ZNF385D: variants seen among roughly 807,000 people sequenced by gnomAD.
ZNF385D encodes the protein zinc finger protein 385D, also known as zinc finger protein 659.
Under a neutral mutation model 35.8 loss-of-function variants are expected in ZNF385D, and 15 were observed. The ratio of observed to expected loss-of-function variants is 0.42; its 90% CI spans 0.28 to 0.64. ZNF385D has a LOEUF of 0.64. Ranked by LOEUF, ZNF385D falls within the 30% of genes least tolerant of loss-of-function variation. The pLI, the probability that ZNF385D is intolerant of heterozygous loss-of-function variation, is 0.23. For missense variants in ZNF385D, 474 were observed against 494.6 expected (o/e 0.96, Z 0.39); for synonymous variants, 212 against 186.8 (o/e 1.13, Z -1.10).
chr3:21,742,344 A>G (rs1215705801), intron 1 of ZNF385D, among the ~76,000 whole-genome samples: 2 of 152,162 alleles, frequency 1.3e-5, no homozygotes, highest in Non-Finnish European at 2.9e-5. Flanking sequence ...TCTTAAGTGT[A>G]TCTTCCCCAA....
At chr3:22,290,678 AAC>A (rs1245501974) in intron 2 of ZNF385D, among the ~76,000 whole-genome samples, 1 of 152,094 alleles carries the variant, frequency 6.6e-6, no homozygotes, top group East Asian at 1.9e-4. Flanking sequence ...TTCAACAAAG[AAC>A]ACTTTCCAGT....
chr3:22,063,522 C>A (rs1699789719), intron 3 of ZNF385D, among the ~76,000 whole-genome samples: 1 of 152,160 alleles, frequency 6.6e-6, no homozygotes. Flanking sequence ...GAGAAGCCCA[C>A]TAAAGCCTAT....
At chr3:21,982,456 T>G (rs76551632) in intron 3 of ZNF385D, among the ~76,000 whole-genome samples, 7 of 152,246 alleles carry the variant, frequency 4.6e-5, no homozygotes, top group Admixed American at 2.0e-4. Context: ...TTTGCTGAAG[T>G]TGTTTATCAG....
rs1177263597 is a variant in ZNF385D at position 22,200,645 on chromosome 3, G to C, written c.107-31610C>G. On this transcript the variant is annotated intron_variant, in intron 2 of 5. Transcript: ENST00000494108. ...AGTCTGACCAAAATTTATTAGGTGG[G>C]AATTTCTTCTTCCTAATAAGCCTGG... 2.0e-5 allele frequency among the ~76,000 whole-genome samples: 3 copies of C among 152,172 alleles called. No individual in the cohort carries two copies. In the East Asian group the frequency reaches 5.8e-4, roughly 30 times the overall value.
chr3:22,248,033 C>A (rs1699879146), intron 2 of ZNF385D, among the ~76,000 whole-genome samples: 1 of 152,090 alleles, frequency 6.6e-6, no homozygotes, highest in Admixed American at 6.6e-5. Flanking sequence ...AGATTTAAGT[C>A]AACAAAACAA....
intron 2 of ZNF385D, among the ~76,000 whole-genome samples, chr3:21,623,143 A>T (rs1219258906): frequency 6.6e-6 from 1 of 152,024 alleles, no homozygotes; most frequent in African/African-American, 2.4e-5. Context: ...CCTCATCTGT[A>T]TGTAAAGAAT....
intron 3 of ZNF385D, among the ~76,000 whole-genome samples, chr3:21,956,786 C>G (rs1282567297): frequency 6.6e-6 from 1 of 151,688 alleles, no homozygotes; most frequent in Non-Finnish European, 1.5e-5. Flanking sequence ...AGGGGCCAAT[C>G]TAAGACCTTC....
At chr3:21,497,774 G>A (rs571001287) in intron 4 of ZNF385D, among the ~76,000 whole-genome samples, 1 of 152,270 alleles carries the variant, frequency 6.6e-6, no homozygotes, top group African/African-American at 2.4e-5. Flanking sequence ...ACTTGAACCT[G>A]AGAGGTAGAG....
In ZNF385D at chr3:22,200,739, G is replaced by A. The variant is rs565999043; in HGVS notation, c.107-31704C>T. On this transcript the variant is annotated intron_variant, in intron 2 of 5. Coordinates refer to the ZNF385D transcript ENST00000494108. Reference sequence around the variant, plus strand: ...CAGGCCATAAAAGATGGCCATGCCCGGGGGGACCGTCTATAGACCTACCCC... The same window carrying A: ...CAGGCCATAAAAGATGGCCATGCCCAGGGGGACCGTCTATAGACCTACCCC... 7.9e-5 allele frequency among the ~76,000 whole-genome samples: 12 copies of A among 152,014 alleles called. No individual in the cohort carries two copies. In the South Asian group the frequency reaches 1.0e-3, roughly 13 times the overall value.
At chr3:21,511,407 T>C (rs755692421) in intron 3 of ZNF385D, among the ~76,000 whole-genome samples, 13 of 152,176 alleles carry the variant, frequency 8.5e-5, no homozygotes, top group Non-Finnish European at 1.6e-4. Context: ...TTTCACCTTC[T>C]TGGCTTAGAA....
intron 3 of ZNF385D, among the ~76,000 whole-genome samples, chr3:21,549,238 G>C (rs976441103): frequency 2.6e-5 from 4 of 152,124 alleles, no homozygotes; most frequent in African/African-American, 7.2e-5. Context: ...TGAAACTCTG[G>C]AGGATCAAAG....
chr3:22,240,812 TG>T lies in ZNF385D; in HGVS notation c.107-71778del, dbSNP rs1699453282. ...AAGGCTTCAATAAACAGCTAGCACA[TG>T]TGTAATATCTCCCCCTAAGCCTTCC... On this transcript the variant is annotated intron_variant, in intron 2 of 5. Coordinates refer to the ZNF385D transcript ENST00000494108. Among the ~76,000 whole-genome samples the T allele has an allele frequency of 2.0e-5, 3 of 151,036 alleles. 1 individual carries two copies. Among genetic ancestry groups the T allele is most frequent in the African/African-American group, 4.9e-5 (2 of 40,830 alleles).
chr3:21,566,801 T>C lies in ZNF385D; in HGVS notation c.166-2117A>G, dbSNP rs537057834. ...GAGGATAATTGTCACACAGACCTTTTCCACTATCTGGACAAGTTCCCTCTT... is the reference window on the plus strand; with the variant it reads ...GAGGATAATTGTCACACAGACCTTTCCCACTATCTGGACAAGTTCCCTCTT... On this transcript the variant is annotated intron_variant, in intron 2 of 7. Coordinates refer to ENST00000281523, the MANE Select transcript of ZNF385D (RefSeq NM_024697.3). Among the ~76,000 whole-genome samples the C allele has an allele frequency of 3.9e-4, 60 of 152,312 alleles. 1 individual carries two copies. In the South Asian group the frequency reaches 0.012, roughly 31 times the overall value.
In ZNF385D at chr3:22,137,268, C is replaced by T. The variant is rs187587207; in HGVS notation, c.325+31549G>A. ...CAAGGAGGAGCTGGTACCATTCATT[C>T]TGAAACCATTCCAATCAATAGAAAA... is the stretch of plus-strand genomic sequence containing the variant. On this transcript the variant is annotated intron_variant, in intron 3 of 5. Coordinates refer to the ZNF385D transcript ENST00000494108. Among the ~76,000 whole-genome samples, 657 of 152,274 alleles carry T rather than the reference C, an allele frequency of 4.3e-3. 3 individuals carry two copies. The highest frequency in any genetic ancestry group is 6.9e-3 in the Non-Finnish European group (467 of 68,030).
chr3:21,837,961 T>C (rs1292552579), intron 3 of ZNF385D, among the ~76,000 whole-genome samples: 1 of 151,826 alleles, frequency 6.6e-6, no homozygotes, highest in Non-Finnish European at 1.5e-5. Context: ...AGGGAAAAAT[T>C]TGTGGCCACC....
intron 3 of ZNF385D, among the ~76,000 whole-genome samples, chr3:21,768,432 A>G (rs2070926373): frequency 6.6e-6 from 1 of 151,974 alleles, no homozygotes; most frequent in Admixed American, 6.6e-5. Context: ...ACACTAGCAG[A>G]ATCTGTTTGA....
At chr3:21,877,467 C>T (rs1698039327) in intron 3 of ZNF385D, among the ~76,000 whole-genome samples, 1 of 152,096 alleles carries the variant, frequency 6.6e-6, no homozygotes, top group African/African-American at 2.4e-5. Context: ...CAGTGTCACA[C>T]ACACTTTGGT....
chr3:21,989,524 G>T (rs562984882), intron 3 of ZNF385D, among the ~76,000 whole-genome samples: 108 of 152,248 alleles, frequency 7.1e-4, no homozygotes, highest in African/African-American at 2.5e-3. Flanking sequence ...CAAAAGGTAT[G>T]TCAGTTTTGG....
At chr3:21,558,902 C>T (rs1284808241) in intron 3 of ZNF385D, among the ~76,000 whole-genome samples, 6 of 151,256 alleles carry the variant, frequency 4.0e-5, no homozygotes, top group African/African-American at 7.3e-5. Context: ...GTATTGATCC[C>T]TTTGCCATTA....
Sources: allele counts gnomAD v4.1 joint callset (sites outside exome capture counted in the v4.1 genomes callset), GRCh38; gene constraint gnomAD v4.1.1; transcripts MANE v1.5; gene names NCBI Gene and HGNC (gene_info 2026-07-23, HGNC 2026-07-21).